Variants in NBEA observed in about 807,000 individuals in gnomAD.
NBEA encodes the protein lysosomal-trafficking regulator 2.
A neutral mutation model predicts 343.4 loss-of-function variants in NBEA; 44 were observed. The observed-to-expected ratio is 0.13, with a 90% CI of 0.10 to 0.16. The LOEUF is 0.16. Ranked by LOEUF, NBEA falls within the 10% of genes least tolerant of loss-of-function variation. The pLI is 1.00. For missense variants in NBEA, 2,555 were observed against 3,631.3 expected, an observed-to-expected ratio of 0.70 and a Z score of 7.62; for synonymous variants, 1,175 against 1,238.7, an observed-to-expected ratio of 0.95 and a Z score of 1.08.
intron 38 of NBEA, among the ~76,000 whole-genome samples, chr13:35,357,675 A>G (rs1320244095): frequency 2.0e-5 from 3 of 152,256 alleles, no homozygotes; most frequent in East Asian, 3.9e-4. Flanking sequence ...TATATGTACC[A>G]TATTTTCTTT....
intron 38 of NBEA, among the ~76,000 whole-genome samples, chr13:35,422,935 A>ATTTT (rs1442678191): frequency 6.6e-6 from 1 of 152,176 alleles, no homozygotes; most frequent in African/African-American, 2.4e-5. Context: ...TTTTGGCTGC[A>ATTTT]TAAATGTCTT....
intron 48 of NBEA, among the ~76,000 whole-genome samples, chr13:35,608,389 A>T (rs7338645): frequency 0.24 from 37,136 of 152,060 alleles, 4,816 homozygotes; most frequent in African/African-American, 0.3. Flanking sequence ...AAAATTTCTG[A>T]TTCTTTTTAG....
At chr13:35,433,435 T>G (rs1396596745) in intron 39 of NBEA, among the ~76,000 whole-genome samples, 1 of 152,052 alleles carries the variant, frequency 6.6e-6, no homozygotes, top group African/African-American at 2.4e-5. Flanking sequence ...TAAAAACAGT[T>G]GATAAATAGT....
chr13:35,210,956 G>C, intron 32 of NBEA, 97 bp from the exon 33 acceptor site: 1 of 1,301,526 alleles, frequency 7.7e-7, no homozygotes, highest in African/African-American at 1.5e-5. Context: ...TTGAAAATCT[G>C]ATGAGTAATT....
chr13:35,478,660 A>G (rs1594767919), intron 41 of NBEA, among the ~76,000 whole-genome samples: 1 of 152,224 alleles, frequency 6.6e-6, no homozygotes, highest in African/African-American at 2.4e-5. Flanking sequence ...GCTCCAGACC[A>G]CGGTCTGCCC....
At position 35,475,353 on chromosome 13, in the gene NBEA, A is replaced by G. The variant is rs1368253624; in HGVS notation, c.6585+2817A>G. Reference sequence around the variant, plus strand: ...TGTTCAAGGGCTGGCCCGGCAGTTCAAGGTGACGATCCCTTAAGGTTTTGA... The same window carrying G: ...TGTTCAAGGGCTGGCCCGGCAGTTCGAGGTGACGATCCCTTAAGGTTTTGA... On this transcript the variant is annotated intron_variant, in intron 41 of 58. Transcript: ENST00000379939. The G allele has an allele frequency of 6.8e-6, 11 of 1,613,838 alleles. No homozygotes were observed. In the Admixed American group the frequency reaches 1.7e-4, roughly 24 times the overall value.
At chr13:35,382,558 A>G (rs746488041) in intron 38 of NBEA, among the ~76,000 whole-genome samples, 4 of 152,132 alleles carry the variant, frequency 2.6e-5, no homozygotes, top group Admixed American at 1.3e-4. Flanking sequence ...TTAATTGCAC[A>G]TAACAATTAT....
In NBEA at chr13:35,109,496, T is replaced by G. The variant is rs1370831576; in HGVS notation, c.1833+54T>G. The G allele has an allele frequency of 1.2e-5, 17 of 1,437,222 alleles. No homozygotes were observed. The African/African-American group carries it at 1.9e-4, about 16-fold the overall frequency. 89.0% of individuals were successfully genotyped at this position (1,437,222 alleles called of 1,614,324 possible). A position where few individuals can be genotyped will look rare whatever the true frequency, so the allele number is the denominator to read the frequency against. Reference sequence around the variant, plus strand: ...TTTAGTGTAATGTTATACATTATAGTTGCTGGATCTATAGTATTCAGTGGA... The same window carrying G: ...TTTAGTGTAATGTTATACATTATAGGTGCTGGATCTATAGTATTCAGTGGA... On this transcript the variant is annotated intron_variant, in intron 12 of 58. Coordinates refer to ENST00000379939, the MANE Select transcript of NBEA (RefSeq NM_001385012.1).
intron 32 of NBEA, among the ~76,000 whole-genome samples, chr13:35,209,508 T>A (rs897421322): frequency 3.9e-5 from 6 of 152,164 alleles, no homozygotes; most frequent in Admixed American, 3.9e-4. Flanking sequence ...ATAACCTTTT[T>A]TTTTTGTAAA....
At chr13:35,139,312 C>T (rs1043289658) in intron 17 of NBEA, among the ~76,000 whole-genome samples, 6 of 152,130 alleles carry the variant, frequency 3.9e-5, no homozygotes, top group Admixed American at 6.5e-5. Context: ...CCGCCTGCCT[C>T]GGCCTCCCAA....
chr13:35,086,041 C>T (rs1012103897), intron 10 of NBEA, among the ~76,000 whole-genome samples: 2 of 152,088 alleles, frequency 1.3e-5, no homozygotes, highest in African/African-American at 4.8e-5. Flanking sequence ...AGGACCTCTT[C>T]AAGGAGAACT....
intron 1 of NBEA, among the ~76,000 whole-genome samples, chr13:35,037,055 A>G (rs1030800470): frequency 4.6e-5 from 7 of 152,002 alleles, no homozygotes; most frequent in African/African-American, 1.4e-4. Context: ...TTTTGAGGCT[A>G]TTCTCTAGAT....
chr13:35,182,255 T>G (rs1356202774), intron 28 of NBEA, 105 bp from the exon 29 acceptor site: 1 of 708,766 alleles, frequency 1.4e-6, no homozygotes, highest in Non-Finnish European at 2.1e-6. Context: ...AAGTTACATA[T>G]CATATTTTGC....
intron 49 of NBEA, among the ~76,000 whole-genome samples, chr13:35,632,664 C>T (rs988095956): frequency 2.0e-5 from 3 of 151,832 alleles, no homozygotes; most frequent in Non-Finnish European, 2.9e-5. Context: ...TGAAGTGCAG[C>T]GGCTTACTGC....
At chr13:35,249,045 A>G (rs1191286212) in intron 34 of NBEA, among the ~76,000 whole-genome samples, 2 of 148,654 alleles carry the variant, frequency 1.3e-5, no homozygotes, top group African/African-American at 2.5e-5. Flanking sequence ...GCTACTCAGG[A>G]GGCTGAGGTA....
At chr13:35,610,890 CA>C (rs1397145177) in intron 48 of NBEA, among the ~76,000 whole-genome samples, 2 of 151,540 alleles carry the variant, frequency 1.3e-5, no homozygotes, top group Non-Finnish European at 2.9e-5. Flanking sequence ...AAAGGAGGGG[CA>C]AAAGAATCTT....
At chr13:35,605,301 T>A (rs2082240378) in intron 47 of NBEA, among the ~76,000 whole-genome samples, 1 of 152,150 alleles carries the variant, frequency 6.6e-6, no homozygotes, top group Admixed American at 6.6e-5. Flanking sequence ...AGAGTGTTAC[T>A]AAAATGAATG....
intron 1 of NBEA, among the ~76,000 whole-genome samples, chr13:34,972,840 C>T (rs1302645724): frequency 6.6e-6 from 1 of 152,146 alleles, no homozygotes; most frequent in Non-Finnish European, 1.5e-5. Flanking sequence ...TCTGCCCTTT[C>T]AGCCATCTCA....
intron 43 of NBEA, 69 bp downstream of exon 43, chr13:35,551,101 T>A: frequency 1.1e-6 from 1 of 893,816 alleles, no homozygotes; most frequent in Non-Finnish European, 1.7e-6. Context: ...TACAGCAATG[T>A]AAATGTGGTT....
Sources: gnomAD v4.1 joint callset for allele counts (sites outside exome capture counted in the v4.1 genomes callset) on GRCh38, gnomAD v4.1.1 for gene constraint, MANE v1.5 for transcripts, NCBI Gene and HGNC (gene_info 2026-07-23, HGNC 2026-07-21) for gene names.